Variants in CLTC observed in about 807,000 individuals in gnomAD.
CLTC encodes the protein clathrin heavy chain 1.
Under a neutral mutation model 195.8 loss-of-function variants are expected in CLTC, and 16 were observed. The ratio of observed to expected loss-of-function variants is 0.08; its 90% confidence interval spans 0.06 to 0.12. The LOEUF (loss-of-function observed/expected upper bound fraction) is 0.12. Among genes scored for constraint, CLTC ranks in the 10% least tolerant of loss-of-function variants. The probability of loss-of-function intolerance (pLI) is 1.00; values close to 1 mark genes in which losing one functional copy is unlikely to be tolerated. For missense variants in CLTC, 796 were observed against 2,027.0 expected (o/e 0.39, Z 11.66); for synonymous variants, 667 against 689.4 (o/e 0.97, Z 0.51).
chr17:59,661,766 A>G, intron 8 of CLTC, 123 bp downstream of exon 8: 1 of 802,320 alleles, frequency 1.2e-6, no homozygotes, highest in South Asian at 1.6e-5. Flanking sequence ...GAACAAAAAC[A>G]CACATTGCAT....
intron 5 of CLTC, among the ~76,000 whole-genome samples, chr17:59,653,153 CTTTTA>C (rs946749810): frequency 5.9e-5 from 9 of 151,760 alleles, no homozygotes; most frequent in Admixed American, 5.2e-4. Flanking sequence ...CTGGTTGGAT[CTTTTA>C]TTTTATTTAT....
At chr17:59,633,834 TA>T (rs2031790886) in intron 1 of CLTC, among the ~76,000 whole-genome samples, 1 of 152,224 alleles carries the variant, frequency 6.6e-6, no homozygotes, top group Non-Finnish European at 1.5e-5. Flanking sequence ...GTTTTATTCA[TA>T]TCAGGAAACC....
chr17:59,628,570 C>T (rs1177418561), intron 1 of CLTC, among the ~76,000 whole-genome samples: 1 of 152,140 alleles, frequency 6.6e-6, no homozygotes, highest in Non-Finnish European at 1.5e-5. Context: ...CTGCATCCGT[C>T]GATTTCTGGA....
chr17:59,671,468 A>G (rs1266075121), intron 14 of CLTC, among the ~76,000 whole-genome samples: 1 of 152,184 alleles, frequency 6.6e-6, no homozygotes, highest in African/African-American at 2.4e-5. Context: ...TGAATATTCA[A>G]GTGCCAATTG....
chr17:59,641,166 C>T (rs1429504900), intron 1 of CLTC, among the ~76,000 whole-genome samples: 2 of 151,516 alleles, frequency 1.3e-5, no homozygotes, highest in Non-Finnish European at 2.9e-5. Flanking sequence ...TTCATGTTTG[C>T]TGGTGTTTTA....
In CLTC at chr17:59,691,632, A is replaced by AAAT. The variant is rs1337583368; in HGVS notation, c.4903+922_4903+923insATA. ...GAGCAAGACTCCGCCTTAAAAAAAA[A>AAAT]ATATATATATATATATACATATATA... On this transcript the variant is annotated intron_variant, in intron 31 of 31. Transcript: ENST00000269122. Among the ~76,000 whole-genome samples, 320 of 145,494 alleles carry AAAT rather than the reference A, an allele frequency of 2.2e-3. 7 individuals are homozygous for AAAT. In the South Asian group the frequency reaches 0.028, roughly 13 times the overall value.
chr17:59,647,815 CCTTCT>C (rs1452502122), intron 3 of CLTC, 149 bp downstream of exon 3: 3 of 682,692 alleles, frequency 4.4e-6, no homozygotes, highest in African/African-American at 1.8e-5. Context: ...TCCTCCCATC[CCTTCT>C]CTTCTCCTTC....
At chr17:59,669,457 GAC>G (rs1251130420) in intron 14 of CLTC, among the ~76,000 whole-genome samples, 6 of 152,162 alleles carry the variant, frequency 3.9e-5, no homozygotes, top group Non-Finnish European at 5.9e-5. Context: ...TCAGCTTTGT[GAC>G]ACATTAAATC....
Position 59,694,160 on chromosome 17 carries a change from G to A in CLTC, c.*308G>A, listed in dbSNP as rs1185977101. ...CAATCTGTTGTGAAGAACCTGATTT[G>A]CACTCTGTAGTGTTTAAAGAAACAA... On this transcript the variant is annotated 3_prime_UTR_variant, in exon 32 of 32. Transcript: ENST00000269122. 4.1e-6 allele frequency: 1 copy of A among 245,810 alleles called. No homozygotes were observed. The highest frequency in any genetic ancestry group is 7.9e-6 in the Non-Finnish European group (1 of 126,708). 15.2% of individuals were successfully genotyped at this position (245,810 alleles called of 1,614,324 possible).
intron 1 of CLTC, among the ~76,000 whole-genome samples, chr17:59,633,226 C>T (rs565977081): frequency 6.6e-6 from 1 of 152,300 alleles, no homozygotes; most frequent in African/African-American, 2.4e-5. Context: ...TGCAGTGGCT[C>T]ACTCCTGTAA....
In CLTC at chr17:59,648,442, A is replaced by G; in HGVS notation, c.681+41A>G. On this transcript the variant is annotated intron_variant, in intron 4 of 31. Transcript: ENST00000269122. This position sits in a 1 kb window ranked among gnomAD's most constrained non-coding sequence, Gnocchi z 4.5. ...GGTAATTATTTTAATGAGAACTTGT[A>G]TTTGGCTTTCTGCTATGAATTAGTC... 1 of 1,564,182 alleles carries G rather than the reference A, an allele frequency of 6.4e-7. No homozygotes were observed. The highest frequency in any genetic ancestry group is 8.7e-7 in the Non-Finnish European group (1 of 1,147,204).
At chr17:59,654,345 T>G (rs1043351118) in intron 5 of CLTC, among the ~76,000 whole-genome samples, 3 of 150,196 alleles carry the variant, frequency 2.0e-5, no homozygotes, top group Admixed American at 6.6e-5. Context: ...CTGGGTAATT[T>G]TTTTGTATTT....
intron 1 of CLTC, among the ~76,000 whole-genome samples, chr17:59,623,690 A>G (rs1446670453): frequency 6.6e-6 from 1 of 152,168 alleles, no homozygotes; most frequent in East Asian, 1.9e-4. Context: ...TGTTATTCAA[A>G]TTATATTTAA....
At chr17:59,665,268 C>T (rs897365451) in intron 10 of CLTC, among the ~76,000 whole-genome samples, 4 of 151,562 alleles carry the variant, frequency 2.6e-5, no homozygotes, top group African/African-American at 9.7e-5. Context: ...GAAATTAAAG[C>T]TTTGTCACTC....
At chr17:59,669,597 G>T (rs1055414924) in intron 14 of CLTC, among the ~76,000 whole-genome samples, 3 of 152,028 alleles carry the variant, frequency 2.0e-5, no homozygotes, top group South Asian at 4.1e-4. Flanking sequence ...CTTTATTCTT[G>T]TAACTGCCAG....
chr17:59,664,567 A>T, intron 9 of CLTC: 3 of 262,156 alleles, frequency 1.1e-5, no homozygotes, highest in Non-Finnish European at 1.2e-5. Context: ...AAAAAAAAAA[A>T]GAAAAGAAAA....
At position 59,685,053 on chromosome 17, in the gene CLTC, A is replaced by T; in HGVS notation, c.4435-3A>T. 9 of 1,522,604 alleles carry T rather than the reference A, an allele frequency of 5.9e-6. No individual in the cohort carries two copies. Among genetic ancestry groups the T allele is most frequent in the South Asian group, 1.3e-5 (1 of 79,782 alleles). The allele number at this position is 1,522,604 out of a possible 1,614,324, so 94.3% of individuals were successfully genotyped here. On this transcript the variant is annotated splice_polypyrimidine_tract_variant and splice_region_variant and intron_variant, in intron 28 of 31. Transcript: ENST00000269122. The surrounding 1 kb of genome is among the most constrained non-coding windows in gnomAD (Gnocchi z 5.0). ...GGCATTTGGATGGCTTTTTTTTTTT[A>T]AGGCTCTGCGAACATCAATAGATGC... is the stretch of plus-strand genomic sequence containing the variant.
intron 5 of CLTC, among the ~76,000 whole-genome samples, chr17:59,655,430 A>G (rs1429829398): frequency 6.6e-6 from 1 of 152,230 alleles, no homozygotes; most frequent in Non-Finnish European, 1.5e-5. Flanking sequence ...CAATAATGAA[A>G]AGGTTTGAAA....
chr17:59,654,645 A>C (rs1216388714), intron 5 of CLTC, among the ~76,000 whole-genome samples: 1 of 152,060 alleles, frequency 6.6e-6, no homozygotes, highest in Admixed American at 6.5e-5. Context: ...ATGCCTGGCT[A>C]ATTTCTTCCG....
Sources: allele counts gnomAD v4.1 joint callset (sites outside exome capture counted in the v4.1 genomes callset), GRCh38; gene constraint gnomAD v4.1.1; non-coding constraint Gnocchi (gnomAD v3.1); transcripts MANE v1.5; gene names NCBI Gene and HGNC (gene_info 2026-07-23, HGNC 2026-07-21).